The following RIN2 variants were observed in gnomAD, a reference collection of about 807,000 sequenced individuals.
RIN2 encodes the protein Ras and Rab interactor 2, also known as RAB5 interacting protein 2.
A neutral mutation model predicts 78.0 loss-of-function variants in RIN2; 36 were observed. That is an observed-to-expected ratio of 0.46 (90% CI 0.35 to 0.61). RIN2 has a LOEUF of 0.61. Ranked by LOEUF, RIN2 falls within the 20% of genes least tolerant of loss-of-function variation. The pLI is 0.00. For synonymous variants in RIN2, 466 were observed against 466.8 expected, an observed-to-expected ratio of 1.00 and a Z score of 0.02; for missense variants, 1,087 against 1,159.7, an observed-to-expected ratio of 0.94 and a Z score of 0.91.
At position 19,884,613 on chromosome 20, in the gene RIN2, A is replaced by AGTGT. The variant is rs1168672036; in HGVS notation, c.-36-4950_-36-4949insTGTG. Among the ~76,000 whole-genome samples, 3 of 152,336 alleles carry AGTGT rather than the reference A, an allele frequency of 2.0e-5. No homozygotes were observed. The East Asian group carries it at 5.8e-4, about 29-fold the overall frequency. ...GGGTGAGGGAAAACCTGTGTCAAAC[A>AGTGT]GTGATCCAAGACACTTTAAAAATTT... On this transcript the variant is annotated intron_variant, in intron 2 of 12. Coordinates refer to ENST00000255006, the MANE Select transcript of RIN2 (RefSeq NM_018993.4).
intron 2 of RIN2, among the ~76,000 whole-genome samples, chr20:19,804,642 T>C (rs1404472862): frequency 1.3e-5 from 2 of 151,746 alleles, no homozygotes; most frequent in Non-Finnish European, 2.9e-5. Context: ...TCATCAGGGA[T>C]ATTGGCCTGA....
chr20:19,920,780 G>A (rs747984942), intron 3 of RIN2, among the ~76,000 whole-genome samples: 3 of 152,120 alleles, frequency 2.0e-5, no homozygotes, highest in Non-Finnish European at 2.9e-5. Context: ...AAGTTCAAGC[G>A]ATTCTCCTGT....
chr20:19,959,147 T>G (rs1170923373), intron 5 of RIN2, among the ~76,000 whole-genome samples: 1 of 152,204 alleles, frequency 6.6e-6, no homozygotes, highest in African/African-American at 2.4e-5. Context: ...AATATGTAAA[T>G]GATCGAGCGT....
At chr20:19,900,963 A>AAG (rs1555787016) in intron 3 of RIN2, among the ~76,000 whole-genome samples, 1 of 150,548 alleles carries the variant, frequency 6.6e-6, no homozygotes, top group African/African-American at 2.5e-5. Flanking sequence ...AAAAAAAAAA[A>AAG]AAAAAAAAAA....
intron 1 of RIN2, among the ~76,000 whole-genome samples, chr20:19,767,472 C>G (rs567419841): frequency 7.2e-5 from 11 of 152,292 alleles, no homozygotes; most frequent in Non-Finnish European, 1.5e-4. Flanking sequence ...CTATGACCCA[C>G]TTTGAAGGAG....
chr20:19,924,904 T>A (rs1356703890), intron 3 of RIN2, among the ~76,000 whole-genome samples: 1 of 149,478 alleles, frequency 6.7e-6, no homozygotes, highest in South Asian at 2.1e-4. Context: ...CATGCCCAGC[T>A]AATTTTGTAT....
chr20:19,874,549 AGTAATGCACCTTTCTTTGGCTGCCTTCTC>A (rs1403874640), intron 2 of RIN2, among the ~76,000 whole-genome samples: 11 of 152,222 alleles, frequency 7.2e-5, no homozygotes, highest in Admixed American at 3.9e-4. Context: ...TCCTGGTGTC[AGTAATGCACCTTTCTTTGGCTGCCTTCTC>A]TTCCCTGACT....
At chr20:19,992,120 A>G in intron 10 of RIN2, 48 bp from the exon 11 acceptor site, 1 of 1,595,064 alleles carries the variant, frequency 6.3e-7, no homozygotes, top group Non-Finnish European at 8.6e-7. Flanking sequence ...ATGTGAAAGA[A>G]AGAAAAGTTG....
Position 19,934,435 on chromosome 20 carries a change from G to A in RIN2, c.58-664G>A, listed in dbSNP as rs569025180. The A allele has an allele frequency of 1.1e-5, 11 of 981,454 alleles. 1 individual carries two copies. In the African/African-American group the frequency reaches 1.6e-4, roughly 14 times the overall value. The allele number at this position is 981,454 out of a possible 1,614,324, so 60.8% of individuals were successfully genotyped here. ...CTGAAGGGTCAGATGCAGGTGCATGGATAGGTGGGGATCTGAGATGGGGCC... is the reference window on the plus strand; with the variant it reads ...CTGAAGGGTCAGATGCAGGTGCATGAATAGGTGGGGATCTGAGATGGGGCC... On this transcript the variant is annotated intron_variant, in intron 3 of 12. Transcript: ENST00000255006.
chr20:19,771,415 G>T (rs1300309991), intron 1 of RIN2, among the ~76,000 whole-genome samples: 3 of 152,182 alleles, frequency 2.0e-5, no homozygotes, highest in Admixed American at 1.3e-4. Flanking sequence ...CACCTCCTTT[G>T]CGTATTCCTC....
intron 2 of RIN2, among the ~76,000 whole-genome samples, chr20:19,851,402 G>A (rs921775358): frequency 6.6e-6 from 1 of 152,098 alleles, no homozygotes; most frequent in Non-Finnish European, 1.5e-5. Flanking sequence ...CACTGGGTAG[G>A]CCAACCCAGG....
At chr20:19,955,235 C>T (rs2041486257) in intron 4 of RIN2, among the ~76,000 whole-genome samples, 1 of 152,224 alleles carries the variant, frequency 6.6e-6, no homozygotes. Context: ...GCTTCTGTCA[C>T]TGAACAAGAT....
At chr20:19,995,747 C>T (rs199677482) in intron 11 of RIN2, among the ~76,000 whole-genome samples, 4 of 152,058 alleles carry the variant, frequency 2.6e-5, no homozygotes, top group Non-Finnish European at 5.9e-5. Context: ...CACATTTTTG[C>T]GAACAGTTCT....
chr20:19,841,925 C>T (rs373597512), intron 2 of RIN2, among the ~76,000 whole-genome samples: 3 of 152,352 alleles, frequency 2.0e-5, no homozygotes, highest in East Asian at 3.9e-4. Context: ...CTACACTAAA[C>T]AACAGATTTT....
chr20:19,827,186 G>A (rs1343435137), intron 2 of RIN2, among the ~76,000 whole-genome samples: 1 of 152,114 alleles, frequency 6.6e-6, no homozygotes, highest in Non-Finnish European at 1.5e-5. Context: ...ATGTTGGCCA[G>A]ACTGGTCTCC....
chr20:19,766,928 GA>G (rs1285986353), intron 1 of RIN2, among the ~76,000 whole-genome samples: 2 of 148,216 alleles, frequency 1.3e-5, no homozygotes, highest in Non-Finnish European at 3.0e-5. Context: ...AAAAAAAAAA[GA>G]AAAAAAAGAG....
In RIN2 at chr20:19,904,125, G is replaced by A. The variant is rs184620922; in HGVS notation, c.57+14467G>A. 8.8e-3 allele frequency among the ~76,000 whole-genome samples: 1,340 copies of A among 151,818 alleles called. 13 individuals are homozygous for A. The highest frequency in any genetic ancestry group is 0.031 in the African/African-American group (1,267 of 41,362). ...CGCACGTCTGTAATCCCAGCCACTC[G>A]GGAGGCTGAGGCAGGAGAATTGCTT... On this transcript the variant is annotated intron_variant, in intron 3 of 12. Coordinates refer to ENST00000255006, the MANE Select transcript of RIN2 (RefSeq NM_018993.4).
At chr20:19,835,730 G>A (rs547061643) in intron 2 of RIN2, among the ~76,000 whole-genome samples, 2 of 152,258 alleles carry the variant, frequency 1.3e-5, no homozygotes, top group East Asian at 1.9e-4. Context: ...GGGAAGTTGA[G>A]TGGATGCTCA....
At chr20:19,783,187 T>G (rs1297341037) in intron 1 of RIN2, among the ~76,000 whole-genome samples, 1 of 152,228 alleles carries the variant, frequency 6.6e-6, no homozygotes, top group African/African-American at 2.4e-5. Flanking sequence ...ATTAGAGTTG[T>G]AACTGGAAAA....
Sources: gnomAD v4.1 joint callset for allele counts (sites outside exome capture counted in the v4.1 genomes callset) on GRCh38, gnomAD v4.1.1 for gene constraint, MANE v1.5 for transcripts, NCBI Gene and HGNC (gene_info 2026-07-23, HGNC 2026-07-21) for gene names.